The following STK32B variants were observed in gnomAD, a reference collection of about 807,000 sequenced individuals.
The protein encoded by STK32B is serine/threonine kinase 32B, also known as serine/threonine-protein kinase 32B.
A neutral mutation model predicts 52.6 loss-of-function variants in STK32B; 43 were observed. The observed-to-expected ratio is 0.82, with a 90% CI of 0.64 to 1.05. The LOEUF is 1.05. STK32B is among the 50% of genes least tolerant of loss of function. The pLI, the probability that STK32B is intolerant of heterozygous loss-of-function variation, is 0.00. For missense variants in STK32B, 621 were observed against 534.6 expected, an observed-to-expected ratio of 1.16 and a Z score of -1.59; for synonymous variants, 238 against 204.3, an observed-to-expected ratio of 1.17 and a Z score of -1.41.
intron 3 of STK32B, among the ~76,000 whole-genome samples, chr4:5,219,319 C>T (rs1052199172): frequency 2.0e-5 from 3 of 152,212 alleles, no homozygotes; most frequent in Non-Finnish European, 4.4e-5. Flanking sequence ...GGAATTGGGA[C>T]CTTCCAACTC....
intron 3 of STK32B, among the ~76,000 whole-genome samples, chr4:5,253,612 G>A (rs999133798): frequency 2.0e-5 from 3 of 151,992 alleles, no homozygotes; most frequent in African/African-American, 7.3e-5. Context: ...CTAACCTCAG[G>A]TGATCCACCC....
intron 2 of STK32B, among the ~76,000 whole-genome samples, chr4:5,149,049 T>G (rs1717138530): frequency 6.6e-6 from 1 of 151,876 alleles, no homozygotes; most frequent in Non-Finnish European, 1.5e-5. Context: ...CTACTTATGC[T>G]TATTGCGTTC....
intron 4 of STK32B, among the ~76,000 whole-genome samples, chr4:5,393,700 AC>A (rs1560377511): frequency 6.6e-6 from 1 of 152,040 alleles, no homozygotes; most frequent in African/African-American, 2.4e-5. Flanking sequence ...TTCAGGAGAA[AC>A]CACCCCCATG....
chr4:5,088,509 A>G (rs1290944941), intron 1 of STK32B, among the ~76,000 whole-genome samples: 1 of 152,148 alleles, frequency 6.6e-6, no homozygotes, highest in African/African-American at 2.4e-5. Context: ...TGGATATCCC[A>G]TTCTCCATGA....
In STK32B at chr4:5,072,646, T is replaced by C. The variant is rs1325200328; in HGVS notation, c.52+20731T>C. Among the ~76,000 whole-genome samples the C allele has an allele frequency of 2.0e-5, 3 of 152,196 alleles. No individual in the cohort carries two copies. The East Asian group carries it at 5.8e-4, about 29-fold the overall frequency. ...ATCATTTGGAGTTTATTCAGACTTATAACTCAGCATTTGATCTACCTTGGT... is the reference window on the plus strand; with the variant it reads ...ATCATTTGGAGTTTATTCAGACTTACAACTCAGCATTTGATCTACCTTGGT... On this transcript the variant is annotated intron_variant, in intron 1 of 11. Transcript: ENST00000282908.
At position 5,486,203 on chromosome 4, in the gene STK32B, G is replaced by T. The variant is rs903769302; in HGVS notation, c.1107-12742G>T. On this transcript the variant is annotated intron_variant, in intron 11 of 11. Coordinates refer to ENST00000282908, the MANE Select transcript of STK32B (RefSeq NM_018401.3). ...CCCCAGAGGTGGAGTCTCAGAGGCA[G>T]GCTGGCCTCCTTGAGCCGTAGTGGG... is the stretch of plus-strand genomic sequence containing the variant. 2.6e-5 allele frequency among the ~76,000 whole-genome samples: 4 copies of T among 152,208 alleles called. No individual in the cohort carries two copies. In the East Asian group the frequency reaches 7.7e-4, roughly 29 times the overall value.
At chr4:5,025,534 T>G in the STK32B span, among the ~76,000 whole-genome samples, 1 of 152,156 alleles carries the variant, frequency 6.6e-6, no homozygotes, top group Non-Finnish European at 1.5e-5. Flanking sequence ...ACCCTGTTGG[T>G]GGGATAACTC....
chr4:5,314,320 T>C (rs919317773), intron 3 of STK32B, among the ~76,000 whole-genome samples: 21 of 152,114 alleles, frequency 1.4e-4, no homozygotes, highest in Non-Finnish European at 2.2e-4. Context: ...CAAATAGTAA[T>C]TGGACAACTG....
intron 4 of STK32B, among the ~76,000 whole-genome samples, chr4:5,367,500 G>C (rs868364666): frequency 6.6e-6 from 1 of 151,376 alleles, no homozygotes; most frequent in Admixed American, 6.6e-5. Flanking sequence ...CGCTGAGTAG[G>C]ATGCTGTAGA....
rs1577517930 is a variant in STK32B, at chr4:5,447,557, G to A, written c.666+781G>A. ...AGGCTGAGGCAGGAGAATCACTTGA[G>A]CCTGGGAGGTCAAGGCTGCAGTGAG... is the stretch of plus-strand genomic sequence containing the variant. On this transcript the variant is annotated intron_variant, in intron 7 of 11. Coordinates refer to ENST00000282908, the MANE Select transcript of STK32B (RefSeq NM_018401.3). Among the ~76,000 whole-genome samples, 3 of 152,284 alleles carry A rather than the reference G, an allele frequency of 2.0e-5. No homozygotes were observed. The East Asian group carries it at 5.8e-4, about 29-fold the overall frequency.
chr4:5,262,032 C>T (rs948880745), intron 3 of STK32B, among the ~76,000 whole-genome samples: 1 of 152,226 alleles, frequency 6.6e-6, no homozygotes, highest in Non-Finnish European at 1.5e-5. Context: ...CGCTCCATTT[C>T]ATTGCCTCTA....
intron 7 of STK32B, among the ~76,000 whole-genome samples, chr4:5,450,673 A>G (rs188592479): frequency 2.6e-5 from 4 of 152,346 alleles, no homozygotes; most frequent in Admixed American, 2.0e-4. Flanking sequence ...CGTTTGTATT[A>G]ACAAGAAGAA....
chr4:5,303,178 T>C (rs950428004), intron 3 of STK32B, among the ~76,000 whole-genome samples: 2 of 152,086 alleles, frequency 1.3e-5, no homozygotes, highest in East Asian at 3.9e-4. Flanking sequence ...ATGACTTCTT[T>C]TCCTCAGGGT....
At position 5,466,850 on chromosome 4, in the gene STK32B, G is replaced by C; in HGVS notation, c.1041+16G>C. ...CTGCCCGCTGGTGAGTGCTTCGTGG[G>C]AGCCGTTCCGGGAGAGAAATCCTGT... is the stretch of plus-strand genomic sequence containing the variant. On this transcript the variant is annotated intron_variant, in intron 10 of 11. Transcript: ENST00000282908. 6.2e-7 allele frequency: 1 copy of C among 1,609,908 alleles called. No individual in the cohort carries two copies.
At chr4:5,319,672 C>G (rs187475649) in intron 3 of STK32B, among the ~76,000 whole-genome samples, 94 of 152,314 alleles carry the variant, frequency 6.2e-4, no homozygotes, top group African/African-American at 1.7e-3. Context: ...CTGCTCCTCT[C>G]TGGTTCTATC....
chr4:5,496,425 G>T (rs371038238), intron 11 of STK32B, among the ~76,000 whole-genome samples: 3 of 152,118 alleles, frequency 2.0e-5, no homozygotes, highest in Admixed American at 2.0e-4. Flanking sequence ...TAAGCCCTTC[G>T]GAAAAGCGCA....
At chr4:5,116,956 G>T (rs6858470) in intron 1 of STK32B, among the ~76,000 whole-genome samples, 58 of 152,232 alleles carry the variant, frequency 3.8e-4, no homozygotes, top group African/African-American at 1.3e-3. Flanking sequence ...TTCCTTGTTA[G>T]TGTGTAGAAA....
At chr4:5,043,123 A>C in the STK32B span, among the ~76,000 whole-genome samples, 1 of 151,448 alleles carries the variant, frequency 6.6e-6, no homozygotes, top group African/African-American at 2.4e-5. Flanking sequence ...AAAAAAAAAA[A>C]AAAAAAAAAA....
intron 3 of STK32B, among the ~76,000 whole-genome samples, chr4:5,322,568 A>G (rs1406821248): frequency 6.6e-6 from 1 of 152,226 alleles, no homozygotes. Flanking sequence ...CTGGGCACCC[A>G]GTGACTTTTG....
Sources: gnomAD v4.1 joint callset for allele counts (sites outside exome capture counted in the v4.1 genomes callset) on GRCh38, gnomAD v4.1.1 for gene constraint, MANE v1.5 for transcripts, NCBI Gene and HGNC (gene_info 2026-07-23, HGNC 2026-07-21) for gene names.